Variants in PPFIBP2 observed in about 807,000 individuals in gnomAD.
PPFIBP2 encodes PPFIB scaffold protein 2, also known as liprin-beta-2.
A neutral mutation model predicts 118.3 loss-of-function variants in PPFIBP2; 118 were observed. The ratio of observed to expected loss-of-function variants is 1.00; its 90% confidence interval spans 0.86 to 1.16. The LOEUF (loss-of-function observed/expected upper bound fraction) is 1.16, where lower values mean the gene tolerates loss of function less well. Among genes scored for constraint, PPFIBP2 ranks in the 50% most tolerant of loss-of-function variants. The pLI is 0.00. For missense variants in PPFIBP2, 1,195 were observed against 1,073.1 expected, an observed-to-expected ratio of 1.11 and a Z score of -1.59; for synonymous variants, 414 against 397.4, an observed-to-expected ratio of 1.04 and a Z score of -0.50.
At chr11:7,566,057 A>G (rs118013377) in intron 3 of PPFIBP2, among the ~76,000 whole-genome samples, 6 of 125,866 alleles carry the variant, frequency 4.8e-5, no homozygotes, top group African/African-American at 1.7e-4. Flanking sequence ...ACACACACAC[A>G]CCCTCGAATT....
chr11:7,562,184 A>G (rs1854373506), intron 2 of PPFIBP2, among the ~76,000 whole-genome samples: 1 of 152,232 alleles, frequency 6.6e-6, no homozygotes, highest in South Asian at 2.1e-4. Flanking sequence ...CCTGCTGTGC[A>G]GCCCAGTTCC....
intron 3 of PPFIBP2, chr11:7,577,338 T>TGTGC (rs2134929552): frequency 9.1e-6 from 3 of 330,082 alleles, no homozygotes; most frequent in South Asian, 7.1e-5. Flanking sequence ...TGTGTGTGTG[T>TGTGC]GTGTGTGTGT....
chr11:7,657,751 T>A (rs545844658), downstream of PPFIBP2, among the ~76,000 whole-genome samples: 1 of 152,314 alleles, frequency 6.6e-6, no homozygotes, highest in East Asian at 1.9e-4. Context: ...AGAGACCATC[T>A]CTCAGGAAGC....
At chr11:7,662,610 C>T in the PPFIBP2 span, among the ~76,000 whole-genome samples, 1 of 149,014 alleles carries the variant, frequency 6.7e-6, no homozygotes, top group Non-Finnish European at 1.5e-5. Context: ...TTTGGTGAAT[C>T]TGACAATTAT....
At chr11:7,532,767 C>A (rs984670225) in intron 1 of PPFIBP2, among the ~76,000 whole-genome samples, 8 of 152,324 alleles carry the variant, frequency 5.3e-5, no homozygotes, top group African/African-American at 1.4e-4. Flanking sequence ...TAAAGAAATT[C>A]TTTGGTCTTC....
chr11:7,520,800 T>C (rs1849690990), intron 1 of PPFIBP2, among the ~76,000 whole-genome samples: 1 of 152,216 alleles, frequency 6.6e-6, no homozygotes. Flanking sequence ...GACTTTATGT[T>C]TCTTAGTATC....
intron 14 of PPFIBP2, among the ~76,000 whole-genome samples, chr11:7,636,926 T>C (rs1220507736): frequency 2.0e-5 from 3 of 152,190 alleles, no homozygotes; most frequent in Admixed American, 2.0e-4. Flanking sequence ...CTAACTGTAG[T>C]GTCTGGCCCT....
At chr11:7,536,096 A>G (rs771524809) in intron 1 of PPFIBP2, among the ~76,000 whole-genome samples, 3 of 152,170 alleles carry the variant, frequency 2.0e-5, no homozygotes, top group Non-Finnish European at 4.4e-5. Context: ...AGGCAGTTTT[A>G]TTATTATCCT....
intron 5 of PPFIBP2, among the ~76,000 whole-genome samples, chr11:7,605,221 A>G (rs995298529): frequency 6.6e-6 from 1 of 152,264 alleles, no homozygotes; most frequent in Admixed American, 6.5e-5. Context: ...TTTCTAAGAC[A>G]GGGATTTAAG....
At chr11:7,577,403 C>T (rs987377164) in intron 3 of PPFIBP2, 6 of 370,210 alleles carry the variant, frequency 1.6e-5, no homozygotes, top group South Asian at 4.0e-5. Flanking sequence ...TGCTCTGTGT[C>T]GCTGTGTGTC....
chr11:7,544,740 C>T (rs1852143300), intron 1 of PPFIBP2, among the ~76,000 whole-genome samples: 1 of 145,494 alleles, frequency 6.9e-6, no homozygotes, highest in Non-Finnish European at 1.5e-5. Context: ...CACCACTGCA[C>T]TCCAGCCTGG....
intron 17 of PPFIBP2, among the ~76,000 whole-genome samples, chr11:7,645,880 A>C (rs907294802): frequency 6.6e-6 from 1 of 152,234 alleles, no homozygotes; most frequent in African/African-American, 2.4e-5. Flanking sequence ...TGTCCCTCAG[A>C]TATGTTTGTT....
At chr11:7,557,303 GT>G (rs1422283010) in intron 2 of PPFIBP2, among the ~76,000 whole-genome samples, 3 of 150,706 alleles carry the variant, frequency 2.0e-5, no homozygotes, top group African/African-American at 7.3e-5. Context: ...TTTCTTTAAG[GT>G]TTTTATTTCT....
intron 4 of PPFIBP2, among the ~76,000 whole-genome samples, chr11:7,596,582 C>A (rs1447190563): frequency 1.3e-5 from 2 of 152,158 alleles, no homozygotes; most frequent in Non-Finnish European, 2.9e-5. Context: ...TATCTAAACA[C>A]TCATAAATGA....
intron 4 of PPFIBP2, 42 bp from the exon 5 acceptor site, chr11:7,597,518 C>G: frequency 1.3e-6 from 2 of 1,579,548 alleles, no homozygotes; most frequent in Non-Finnish European, 1.7e-6. Flanking sequence ...TGCACCATGT[C>G]AAATCCCTGG....
In PPFIBP2 at chr11:7,648,390, C is replaced by T. The variant is rs184336543; in HGVS notation, c.1650C>T (p.Asp550=). 30 of 1,609,578 alleles carry T rather than the reference C, an allele frequency of 1.9e-5. No homozygotes were observed. The highest frequency in any genetic ancestry group is 6.6e-5 in the South Asian group (6 of 90,860). The change falls in exon 18 of 24, where the codon GAC becomes GAT. Residue 550 remains aspartate, a synonymous_variant. Transcript: ENST00000299492. The stretch of plus-strand genomic sequence containing the variant: ...ATGCTGTTTTCCTGCTTCCCAGTGA[C>T]GCCAATGCCCCCTTTGCCCAGTGGA... The part of the protein sequence containing the change: ...RTRDSKGQKS[D]ANAPFAQWST...
chr11:7,628,311 G>A lies in PPFIBP2; in HGVS notation c.853G>A (p.Gly285Arg). The A allele has an allele frequency of 6.2e-7, 1 of 1,613,794 alleles. No homozygotes were observed. Among genetic ancestry groups the A allele is most frequent in the Non-Finnish European group, 8.5e-7 (1 of 1,179,856 alleles). ...CCAAGAAATTCAACGTCTGAAAATG[G>A]GGATGGAAACTTTGCTGCTTGCCAA... ...RDQEIQRLKM[G>R]METLLLANED... The change falls in exon 9 of 24, where the codon GGG (glycine) becomes AGG (arginine). Residue 285 changes from glycine to arginine, a missense_variant. Physicochemically the swap from Gly to Arg is moderately radical, Grantham distance 125 (BLOSUM62 -2). Coordinates refer to ENST00000299492, the MANE Select transcript of PPFIBP2 (RefSeq NM_003621.5).
In PPFIBP2 at chr11:7,648,520, C is replaced by G; in HGVS notation, c.1780C>G (p.Pro594Ala). The change falls in exon 18 of 24, where the codon CCT becomes GCT. Residue 594 changes from proline (P) to alanine (A), a missense_variant. Coordinates refer to ENST00000299492, the MANE Select transcript of PPFIBP2 (RefSeq NM_003621.5). ...SSGHTLLTAT[P>A]QDMEKELGIK... Reference sequence around the variant, plus strand: ...TGGCCACACCTTATTGACAGCCACCCCTCAGGACATGGAAAAGGTAAGGGC... The same window carrying G: ...TGGCCACACCTTATTGACAGCCACCGCTCAGGACATGGAAAAGGTAAGGGC... The G allele has an allele frequency of 6.2e-7, 1 of 1,614,024 alleles. No homozygotes were observed. Among genetic ancestry groups the G allele is most frequent in the Non-Finnish European group, 8.5e-7 (1 of 1,179,986 alleles).
intron 1 of PPFIBP2, among the ~76,000 whole-genome samples, chr11:7,543,526 CT>C (rs1851999690): frequency 2.6e-5 from 4 of 152,186 alleles, no homozygotes; most frequent in Admixed American, 2.6e-4. Flanking sequence ...GTGTCCAAGG[CT>C]CAGAATATCC....
Sources: allele counts gnomAD v4.1 joint callset (sites outside exome capture counted in the v4.1 genomes callset), GRCh38; gene constraint gnomAD v4.1.1; transcripts MANE v1.5; gene names NCBI Gene and HGNC (gene_info 2026-07-23, HGNC 2026-07-21).